Variants in SLIT3 observed in about 807,000 individuals in gnomAD.
The protein encoded by SLIT3 is slit guidance ligand 3.
A neutral mutation model predicts 184.0 loss-of-function variants in SLIT3; 68 were observed. The ratio of observed to expected loss-of-function variants is 0.37; its 90% CI spans 0.30 to 0.45. The LOEUF is 0.45. Ranked by LOEUF, SLIT3 falls within the 20% of genes least tolerant of loss-of-function variation. The pLI, the probability that SLIT3 is intolerant of heterozygous loss-of-function variation, is 1.00. For missense variants in SLIT3, 1,707 were observed against 2,026.0 expected, an observed-to-expected ratio of 0.84 and a Z score of 3.02; for synonymous variants, 831 against 828.6, an observed-to-expected ratio of 1.00 and a Z score of -0.05.
At chr5:169,283,887 C>A (rs1277644310) in intron 1 of SLIT3, among the ~76,000 whole-genome samples, 2 of 152,100 alleles carry the variant, frequency 1.3e-5, no homozygotes, top group East Asian at 3.9e-4. Context: ...TCTTAAAAAA[C>A]AGAAAAGGTA....
At chr5:169,248,759 A>T (rs921408107) in intron 2 of SLIT3, among the ~76,000 whole-genome samples, 2 of 152,202 alleles carry the variant, frequency 1.3e-5, no homozygotes, top group Non-Finnish European at 2.9e-5. Context: ...AGCATAGCAG[A>T]GCCCTTAGAC....
intron 2 of SLIT3, among the ~76,000 whole-genome samples, chr5:169,249,699 G>A (rs533421983): frequency 1.6e-4 from 25 of 152,252 alleles, no homozygotes; most frequent in East Asian, 5.8e-4. Flanking sequence ...AATAACAATC[G>A]CCCTAAAACT....
In SLIT3 at chr5:168,712,351, G is replaced by T. The variant is rs557486742; in HGVS notation, c.2487C>A (p.Thr829=). The T allele has an allele frequency of 6.2e-7, 1 of 1,614,114 alleles. No individual in the cohort carries two copies. Among genetic ancestry groups the T allele is most frequent in the African/African-American group, 1.3e-5 (1 of 75,060 alleles). Residue 829 remains threonine, a synonymous_variant, in exon 24 of 36, where the codon ACC becomes ACA. Coordinates refer to ENST00000519560, the MANE Select transcript of SLIT3 (RefSeq NM_003062.4). ...FNGLRSLRVL[T]LHGNDISSVP... ...CGCTGGAAATGTCATTGCCATGGAG[G>T]GTTCTGAAGCAGAGGGCACAGGTCG...
chr5:169,164,650 C>A (rs1762578325), intron 4 of SLIT3, among the ~76,000 whole-genome samples: 1 of 152,240 alleles, frequency 6.6e-6, no homozygotes, highest in Admixed American at 6.5e-5. Context: ...TGGTTTGGGG[C>A]AATGACAGTG....
chr5:169,203,353 A>G (rs1186667801), intron 3 of SLIT3, among the ~76,000 whole-genome samples: 7 of 51,234 alleles, frequency 1.4e-4, no homozygotes, highest in African/African-American at 6.3e-4. Flanking sequence ...GTGAATGTGC[A>G]CACACACACA....
intron 4 of SLIT3, among the ~76,000 whole-genome samples, chr5:169,164,794 G>A (rs1167232094): frequency 6.6e-6 from 1 of 152,230 alleles, no homozygotes; most frequent in Non-Finnish European, 1.5e-5. Flanking sequence ...TAAACTGCAA[G>A]CCAACAACAC....
chr5:169,239,072 T>C (rs1234853480), intron 3 of SLIT3, among the ~76,000 whole-genome samples: 1 of 152,194 alleles, frequency 6.6e-6, no homozygotes, highest in African/African-American at 2.4e-5. Context: ...CTGCTCCAAA[T>C]AATTTTATTG....
chr5:168,826,496 C>T (rs1450478632), intron 6 of SLIT3, among the ~76,000 whole-genome samples: 1 of 152,218 alleles, frequency 6.6e-6, no homozygotes, highest in Non-Finnish European at 1.5e-5. Context: ...ATTGTTGTTA[C>T]AACCCCAATG....
chr5:168,961,008 C>A (rs894958861), intron 4 of SLIT3, among the ~76,000 whole-genome samples: 1 of 152,176 alleles, frequency 6.6e-6, no homozygotes, highest in Non-Finnish European at 1.5e-5. Context: ...AGCCATTGAC[C>A]TTTAAAAAGC....
intron 32 of SLIT3, among the ~76,000 whole-genome samples, chr5:168,681,264 ATG>A (rs1195044843): frequency 6.6e-6 from 1 of 152,174 alleles, no homozygotes; most frequent in African/African-American, 2.4e-5. Flanking sequence ...GCTTGTTGAT[ATG>A]TGTGTCTTCC....
intron 6 of SLIT3, among the ~76,000 whole-genome samples, chr5:168,835,852 T>C (rs1418670836): frequency 6.6e-6 from 1 of 152,200 alleles, no homozygotes; most frequent in South Asian, 2.1e-4. Flanking sequence ...TTTTAGTTTG[T>C]GTAGAGGTCT....
At chr5:168,945,006 G>A (rs868765536) in intron 4 of SLIT3, among the ~76,000 whole-genome samples, 40 of 152,118 alleles carry the variant, frequency 2.6e-4, no homozygotes, top group African/African-American at 8.2e-4. Flanking sequence ...TGTGACACCC[G>A]AGGAAAGGAA....
rs376666819 is a variant in SLIT3 at position 168,737,455 on chromosome 5, G to GCACA, written c.2270+10843_2270+10846dup. On this transcript the variant is annotated intron_variant, in intron 20 of 35. Coordinates refer to ENST00000519560, the MANE Select transcript of SLIT3 (RefSeq NM_003062.4). ...TTTTCCTGTCTCCTGTCAGTGCTGTGCACACACACACACACATGCACATGC... is the reference window on the plus strand; with the variant it reads ...TTTTCCTGTCTCCTGTCAGTGCTGTGCACACACACACACACACACATGCACATGC... Among the ~76,000 whole-genome samples, 811 of 151,448 alleles carry GCACA rather than the reference G, an allele frequency of 5.4e-3. 9 individuals are homozygous for GCACA. The highest frequency in any genetic ancestry group is 0.019 in the African/African-American group (770 of 41,274).
intron 4 of SLIT3, among the ~76,000 whole-genome samples, chr5:169,130,384 G>A (rs958054937): frequency 6.6e-6 from 1 of 152,246 alleles, no homozygotes; most frequent in African/African-American, 2.4e-5. Flanking sequence ...ACTGTAGAAA[G>A]AGCTGAGATA....
intron 3 of SLIT3, among the ~76,000 whole-genome samples, chr5:169,230,936 C>A (rs1221310028): frequency 1.3e-5 from 2 of 152,128 alleles, no homozygotes; most frequent in Non-Finnish European, 2.9e-5. Flanking sequence ...CCTATATCCA[C>A]CACTTAGATT....
intron 4 of SLIT3, among the ~76,000 whole-genome samples, chr5:168,913,959 C>T (rs1174221971): frequency 6.6e-6 from 1 of 152,132 alleles, no homozygotes; most frequent in Admixed American, 6.5e-5. Flanking sequence ...CACTGTTCTA[C>T]ATTTTCCTTT....
chr5:168,813,313 GAAA>G (rs34737518), intron 8 of SLIT3, among the ~76,000 whole-genome samples: 34,239 of 134,960 alleles, frequency 0.25, 4,137 homozygotes, highest in South Asian at 0.41. Context: ...AGATAAGGAT[GAAA>G]AAAAAAAAAA....
chr5:168,672,250 C>T (rs1423702520), intron 33 of SLIT3, among the ~76,000 whole-genome samples: 5 of 152,200 alleles, frequency 3.3e-5, no homozygotes, highest in South Asian at 2.1e-4. Flanking sequence ...GGGCTGCCCT[C>T]GGCACAGAGC....
At chr5:169,040,484 G>T (rs1037913882) in intron 4 of SLIT3, among the ~76,000 whole-genome samples, 2 of 152,212 alleles carry the variant, frequency 1.3e-5, no homozygotes, top group African/African-American at 2.4e-5. Flanking sequence ...TAAGGATATG[G>T]TGTGGGTTTC....
Sources: allele counts gnomAD v4.1 joint callset (sites outside exome capture counted in the v4.1 genomes callset), GRCh38; gene constraint gnomAD v4.1.1; transcripts MANE v1.5; gene names NCBI Gene and HGNC (gene_info 2026-07-23, HGNC 2026-07-21).